The following ADCY9 variants were observed in gnomAD, a reference collection of about 807,000 sequenced individuals.
The protein encoded by ADCY9 is adenylate cyclase type 9.
A neutral mutation model predicts 101.5 loss-of-function variants in ADCY9; 50 were observed. That is an observed-to-expected ratio of 0.49 (90% CI 0.39 to 0.62). The LOEUF is 0.62. Among genes scored for constraint, ADCY9 ranks in the 20% least tolerant of loss-of-function variants. The pLI is 0.00. For missense variants in ADCY9, 1,662 were observed against 1,800.4 expected (o/e 0.92, Z 1.39); for synonymous variants, 905 against 769.3 (o/e 1.18, Z -2.92).
At chr16:4,045,558 G>A (rs935932317) in intron 2 of ADCY9, among the ~76,000 whole-genome samples, 5 of 124,416 alleles carry the variant, frequency 4.0e-5, no homozygotes, top group Admixed American at 1.0e-4. Flanking sequence ...TCGGACCACT[G>A]CACTCCAGCC....
chr16:4,039,906 G>A (rs1200647846), intron 2 of ADCY9, among the ~76,000 whole-genome samples: 2 of 152,032 alleles, frequency 1.3e-5, no homozygotes, highest in Admixed American at 6.6e-5. Flanking sequence ...GGGCATGATG[G>A]TGCACACCTG....
intron 2 of ADCY9, among the ~76,000 whole-genome samples, chr16:4,019,183 T>C (rs938546886): frequency 3.9e-5 from 6 of 152,122 alleles, no homozygotes; most frequent in African/African-American, 1.4e-4. Flanking sequence ...AATCTCACTA[T>C]GTTGCCCAGG....
At chr16:3,971,576 C>T (rs868046695) in intron 10 of ADCY9, among the ~76,000 whole-genome samples, 5 of 152,168 alleles carry the variant, frequency 3.3e-5, no homozygotes, top group African/African-American at 4.8e-5. Flanking sequence ...CCATTTGTTA[C>T]GATGATGACT....
intron 2 of ADCY9, among the ~76,000 whole-genome samples, chr16:4,072,994 G>GAAAAA (rs59730727): frequency 3.1e-5 from 4 of 129,674 alleles, no homozygotes; most frequent in Admixed American, 7.8e-5. Flanking sequence ...TATCCTAAAA[G>GAAAAA]AAAAAAAAAA....
intron 3 of ADCY9, among the ~76,000 whole-genome samples, chr16:3,996,875 G>C (rs957637093): frequency 1.3e-5 from 2 of 151,744 alleles, no homozygotes; most frequent in Non-Finnish European, 2.9e-5. Flanking sequence ...TTGTTTGTTT[G>C]TTTTTTTGGG....
chr16:3,957,801 G>A (rs560140649), downstream of ADCY9, among the ~76,000 whole-genome samples: 1 of 152,266 alleles, frequency 6.6e-6, no homozygotes, highest in African/African-American at 2.4e-5. Flanking sequence ...GGGTGTCAGG[G>A]CGGGGCGCGG....
chr16:3,956,503 T>G (rs80106778), intron 5 of ADCY9, among the ~76,000 whole-genome samples: 1,073 of 69,554 alleles, frequency 0.015, 42 homozygotes, highest in Middle Eastern at 0.056. Flanking sequence ...TTTTTTTTTT[T>G]GGGGGGGGAT....
chr16:4,095,900 C>T (rs2057000523), intron 2 of ADCY9, among the ~76,000 whole-genome samples: 1 of 149,406 alleles, frequency 6.7e-6, no homozygotes, highest in East Asian at 2.0e-4. Context: ...TCACTTGAAC[C>T]CAGGAGGCGG....
intron 2 of ADCY9, among the ~76,000 whole-genome samples, chr16:4,038,717 G>T (rs1422953281): frequency 6.6e-6 from 1 of 151,954 alleles, no homozygotes; most frequent in East Asian, 1.9e-4. Flanking sequence ...TTCTCTCGGG[G>T]TCATCACTCC....
chr16:4,078,916 T>C (rs79573631), intron 2 of ADCY9, among the ~76,000 whole-genome samples: 1 of 152,230 alleles, frequency 6.6e-6, no homozygotes, highest in East Asian at 1.9e-4. Flanking sequence ...GAAAAAGAGA[T>C]TTGGCCCCAC....
At chr16:3,970,476 G>A (rs930543534) in intron 10 of ADCY9, among the ~76,000 whole-genome samples, 19 of 152,098 alleles carry the variant, frequency 1.2e-4, no homozygotes, top group African/African-American at 2.9e-4. Context: ...ACAGGTGTGC[G>A]CCACCATACT....
chr16:3,968,349 C>A (rs1308838459), intron 10 of ADCY9, among the ~76,000 whole-genome samples: 1 of 151,926 alleles, frequency 6.6e-6, no homozygotes, highest in Non-Finnish European at 1.5e-5. Flanking sequence ...TCAGGCTTGT[C>A]TCAAACTCCC....
chr16:3,977,118 C>T (rs1025955970), intron 9 of ADCY9, among the ~76,000 whole-genome samples: 34 of 152,214 alleles, frequency 2.2e-4, no homozygotes, highest in African/African-American at 7.5e-4. Context: ...TCTGCAGCTC[C>T]GCTCTTTCAT....
At chr16:4,079,023 G>A (rs1417800933) in intron 2 of ADCY9, among the ~76,000 whole-genome samples, 1 of 152,150 alleles carries the variant, frequency 6.6e-6, no homozygotes, top group Non-Finnish European at 1.5e-5. Flanking sequence ...AGATGCCAAT[G>A]ATGATGTTTC....
chr16:4,054,491 C>A (rs532357375), intron 2 of ADCY9, among the ~76,000 whole-genome samples: 2 of 152,138 alleles, frequency 1.3e-5, no homozygotes, highest in Non-Finnish European at 2.9e-5. Context: ...CTGCCCATTT[C>A]GCAAACCTTC....
chr16:4,098,183 G>A (rs556632958), intron 2 of ADCY9, among the ~76,000 whole-genome samples: 2 of 152,104 alleles, frequency 1.3e-5, no homozygotes. Flanking sequence ...GGACTCCTCA[G>A]TCTGCAAACA....
At chr16:4,079,513 G>A (rs2056888737) in intron 2 of ADCY9, among the ~76,000 whole-genome samples, 1 of 152,152 alleles carries the variant, frequency 6.6e-6, no homozygotes, top group Non-Finnish European at 1.5e-5. Flanking sequence ...AGGTTGCAGT[G>A]AGCCGAGATC....
Position 3,965,876 on chromosome 16 carries a change from T to C in ADCY9, c.3961A>G (p.Arg1321Gly), listed in dbSNP as rs1422302651. The part of the protein sequence containing the change: ...PWKEPVKAEE[R>G]GRFGKAIEKD... ...TCTATGGCTTTGCCAAATCGACCCC[T>C]TTCTTCGGCTTTGACGGGCTCCTTC... is the stretch of plus-strand genomic sequence containing the variant. Residue 1321 changes from arginine (R) to glycine (G), a missense_variant, in exon 11 of 11, where the codon AGG becomes GGG. Arg to Gly is a moderately radical substitution (Grantham distance 125). Transcript: ENST00000294016. The C allele has an allele frequency of 6.2e-7, 1 of 1,614,190 alleles. No homozygotes were observed. The highest frequency in any genetic ancestry group is 1.7e-5 in the Admixed American group (1 of 60,032).
chr16:3,983,529 G>C (rs2056164416), intron 6 of ADCY9, 89 bp from the exon 7 acceptor site: 4 of 1,116,002 alleles, frequency 3.6e-6, no homozygotes, highest in South Asian at 1.4e-5. Flanking sequence ...AACACGTGCG[G>C]AGCACTGCTG....
Sources: gnomAD v4.1 joint callset for allele counts (sites outside exome capture counted in the v4.1 genomes callset) on GRCh38, gnomAD v4.1.1 for gene constraint, MANE v1.5 for transcripts, NCBI Gene and HGNC (gene_info 2026-07-23, HGNC 2026-07-21) for gene names.